Variants in LINGO2 observed in about 807,000 individuals in gnomAD.
The protein encoded by LINGO2 is leucine rich repeat and Ig domain containing 2.
Under a neutral mutation model 30.6 loss-of-function variants are expected in LINGO2, and 14 were observed. The ratio of observed to expected loss-of-function variants is 0.46; its 90% CI spans 0.30 to 0.72. The LOEUF is 0.72. LINGO2 is among the 30% of genes least tolerant of loss of function. LINGO2 has a pLI of 0.07. For synonymous variants in LINGO2, 317 were observed against 288.5 expected, an observed-to-expected ratio of 1.10 and a Z score of -1.00; for missense variants, 729 against 751.7, an observed-to-expected ratio of 0.97 and a Z score of 0.35.
At chr9:28,262,399 T>C (rs7856034) in intron 4 of LINGO2, among the ~76,000 whole-genome samples, 4,409 of 151,992 alleles carry the variant, frequency 0.029, 207 homozygotes, top group African/African-American at 0.1. Flanking sequence ...GACATCCAAA[T>C]TGAATTTGAA....
At chr9:28,787,524 G>A in the LINGO2 span, among the ~76,000 whole-genome samples, 2 of 152,048 alleles carry the variant, frequency 1.3e-5, no homozygotes, top group Admixed American at 1.3e-4. Flanking sequence ...TGACTTCCCT[G>A]TCACAAATAT....
the LINGO2 span, among the ~76,000 whole-genome samples, chr9:29,051,404 G>A: frequency 6.6e-6 from 1 of 152,128 alleles, no homozygotes; most frequent in African/African-American, 2.4e-5. Flanking sequence ...GCTTTTCACT[G>A]AGTAATGTGC....
chr9:29,202,783 T>C, the LINGO2 span, among the ~76,000 whole-genome samples: 1 of 152,030 alleles, frequency 6.6e-6, no homozygotes, highest in Non-Finnish European at 1.5e-5. Context: ...TCCTAATCTC[T>C]CTGTAAAACC....
chr9:28,897,553 TA>T, the LINGO2 span, among the ~76,000 whole-genome samples: 1 of 152,158 alleles, frequency 6.6e-6, no homozygotes, highest in African/African-American at 2.4e-5. Context: ...TTGTTTGTTT[TA>T]CCAGTAAGGA....
the LINGO2 span, among the ~76,000 whole-genome samples, chr9:29,138,775 C>T: frequency 2.0e-5 from 3 of 152,094 alleles, no homozygotes; most frequent in Non-Finnish European, 4.4e-5. Context: ...TGCAATAGCA[C>T]AACTAATGCG....
At chr9:28,483,193 T>G (rs1009832833) in intron 1 of LINGO2, among the ~76,000 whole-genome samples, 2 of 152,122 alleles carry the variant, frequency 1.3e-5, no homozygotes, top group African/African-American at 4.8e-5. Flanking sequence ...CTTAACTCTA[T>G]TATCATCATT....
intron 4 of LINGO2, among the ~76,000 whole-genome samples, chr9:28,173,121 T>C (rs1828649199): frequency 6.6e-6 from 1 of 152,194 alleles, no homozygotes; most frequent in African/African-American, 2.4e-5. Flanking sequence ...AAAGACAGCT[T>C]AAAGATTTCA....
chr9:28,144,828 GAAGTACAAC>G (rs1308080953), intron 4 of LINGO2, among the ~76,000 whole-genome samples: 2 of 152,202 alleles, frequency 1.3e-5, no homozygotes, highest in African/African-American at 4.8e-5. Context: ...GGCTATTAAA[GAAGTACAAC>G]AAGGATGTAA....
At chr9:28,029,514 A>C (rs1187175874) in intron 4 of LINGO2, among the ~76,000 whole-genome samples, 1 of 152,180 alleles carries the variant, frequency 6.6e-6, no homozygotes, top group East Asian at 1.9e-4. Context: ...AGGTGGGGAA[A>C]TTTACCACTC....
At chr9:29,049,341 G>A in the LINGO2 span, among the ~76,000 whole-genome samples, 1 of 152,124 alleles carries the variant, frequency 6.6e-6, no homozygotes, top group Non-Finnish European at 1.5e-5. Flanking sequence ...AAGTGGAAGA[G>A]GGAACACTTG....
At chr9:28,949,517 G>A in the LINGO2 span, among the ~76,000 whole-genome samples, 3 of 152,228 alleles carry the variant, frequency 2.0e-5, no homozygotes, top group East Asian at 5.8e-4. Context: ...TAGAAGAAAT[G>A]GATAAATTCC....
At chr9:28,354,617 A>G (rs552020633) in intron 3 of LINGO2, among the ~76,000 whole-genome samples, 2 of 152,308 alleles carry the variant, frequency 1.3e-5, no homozygotes, top group African/African-American at 2.4e-5. Context: ...TGTCAAAGCT[A>G]TTTTTGTTAC....
the LINGO2 span, among the ~76,000 whole-genome samples, chr9:29,138,569 C>T: frequency 6.6e-6 from 1 of 152,070 alleles, no homozygotes; most frequent in Admixed American, 6.6e-5. Flanking sequence ...CATTCCAATA[C>T]TCTACTTAAT....
intron 4 of LINGO2, among the ~76,000 whole-genome samples, chr9:28,213,380 C>T (rs529673066): frequency 4.6e-5 from 7 of 151,376 alleles, no homozygotes; most frequent in Middle Eastern, 3.4e-3. Flanking sequence ...TCCATGCAGC[C>T]ACAAAAATAC....
chr9:28,830,474 T>A, the LINGO2 span, among the ~76,000 whole-genome samples: 3 of 152,012 alleles, frequency 2.0e-5, no homozygotes, highest in Non-Finnish European at 4.4e-5. Context: ...AAAATGGAAA[T>A]GAACAAGACT....
At chr9:28,716,950 T>C in the LINGO2 span, among the ~76,000 whole-genome samples, 1 of 152,070 alleles carries the variant, frequency 6.6e-6, no homozygotes, top group Non-Finnish European at 1.5e-5. Flanking sequence ...TGGGGTATCA[T>C]AGTGCAAATA....
the LINGO2 span, among the ~76,000 whole-genome samples, chr9:28,692,163 T>C: frequency 1.3e-5 from 2 of 152,260 alleles, no homozygotes; most frequent in Admixed American, 6.5e-5. Context: ...GCCTTTAAGA[T>C]AATCCCAAAC....
intron 4 of LINGO2, among the ~76,000 whole-genome samples, chr9:28,048,200 G>A (rs144479422): frequency 6.6e-6 from 1 of 150,860 alleles, no homozygotes; most frequent in East Asian, 2.0e-4. Context: ...TAGGAAACAA[G>A]TGTTAGAGGC....
upstream of LINGO2, among the ~76,000 whole-genome samples, chr9:28,671,449 T>C (rs369147068): frequency 1.1e-5 from 1 of 93,326 alleles, no homozygotes; most frequent in Non-Finnish European, 2.2e-5. Context: ...TATGCAGCCA[T>C]AAAAAAGAAA....
Sources: gnomAD v4.1 joint callset for allele counts (sites outside exome capture counted in the v4.1 genomes callset) on GRCh38, gnomAD v4.1.1 for gene constraint, MANE v1.5 for transcripts, NCBI Gene and HGNC (gene_info 2026-07-23, HGNC 2026-07-21) for gene names.